Variants in RNF13 observed in about 807,000 individuals in gnomAD.
RNF13 encodes the protein E3 ubiquitin-protein ligase RNF13.
A neutral mutation model predicts 37.7 loss-of-function variants in RNF13; 19 were observed. The observed-to-expected ratio is 0.50, with a 90% CI of 0.35 to 0.74. The LOEUF is 0.74. Among genes scored for constraint, RNF13 ranks in the 30% least tolerant of loss-of-function variants. RNF13 has a pLI of 0.01. For synonymous variants in RNF13, 144 were observed against 157.8 expected (o/e 0.91, Z 0.65); for missense variants, 375 against 453.0 (o/e 0.83, Z 1.56).
intron 1 of RNF13, among the ~76,000 whole-genome samples, chr3:149,826,518 A>G (rs963357177): frequency 6.6e-6 from 1 of 152,204 alleles, no homozygotes; most frequent in Non-Finnish European, 1.5e-5. Context: ...CATTTAAGAA[A>G]TATTTTGCTG....
chr3:149,948,320 TTCAA>T (rs1434956910), intron 8 of RNF13, among the ~76,000 whole-genome samples: 30 of 152,340 alleles, frequency 2.0e-4, no homozygotes, highest in Admixed American at 1.7e-3. Flanking sequence ...TTTTTAGCCA[TTCAA>T]TCAATGTCTT....
At chr3:149,887,522 G>A (rs975335547) in intron 4 of RNF13, among the ~76,000 whole-genome samples, 74 of 152,218 alleles carry the variant, frequency 4.9e-4, no homozygotes, top group African/African-American at 1.8e-3. Context: ...CTGGTCTTCA[G>A]TTCCTGGAAT....
intron 4 of RNF13, among the ~76,000 whole-genome samples, chr3:149,888,900 T>C (rs1168825872): frequency 6.6e-6 from 1 of 152,186 alleles, no homozygotes; most frequent in African/African-American, 2.4e-5. Context: ...TGTGAATAGA[T>C]TGCATTTTAT....
Position 149,861,833 on chromosome 3 carries a change from G to C in RNF13, c.195+9237G>C, listed in dbSNP as rs545777678. On this transcript the variant is annotated intron_variant, in intron 3 of 9. Coordinates refer to ENST00000392894, the MANE Select transcript of RNF13 (RefSeq NM_183381.3). ...AAATGATAAATACTCAAGGTAATAG[G>C]TTCCTCAAGTATCCTGACTTGATCA... Among the ~76,000 whole-genome samples the C allele has an allele frequency of 1.9e-4, 29 of 152,106 alleles. No individual in the cohort carries two copies. In the South Asian group the frequency reaches 3.7e-3, roughly 20 times the overall value.
chr3:149,872,017 A>G lies in RNF13; in HGVS notation c.196-12A>G, dbSNP rs761425283. On this transcript the variant is annotated splice_polypyrimidine_tract_variant and intron_variant, in intron 3 of 9. Coordinates refer to ENST00000392894, the MANE Select transcript of RNF13 (RefSeq NM_183381.3). ...TGAAACAGAGAGATAATTTTTACCA[A>G]TTCTTTTTCAGGGTTTTTTGATTAA... 2 of 1,577,170 alleles carry G rather than the reference A, an allele frequency of 1.3e-6. No individual in the cohort carries two copies. Among genetic ancestry groups the G allele is most frequent in the Non-Finnish European group, 1.7e-6 (2 of 1,168,986 alleles).
At chr3:149,871,035 ATTTT>A (rs144707628) in intron 3 of RNF13, among the ~76,000 whole-genome samples, 2 of 121,304 alleles carry the variant, frequency 1.6e-5, no homozygotes, top group Admixed American at 1.7e-4. Flanking sequence ...CTGTTACCAG[ATTTT>A]TTTTTTTTTT....
intron 4 of RNF13, among the ~76,000 whole-genome samples, chr3:149,890,513 T>C (rs1182891332): frequency 6.6e-6 from 1 of 152,196 alleles, no homozygotes; most frequent in East Asian, 1.9e-4. Flanking sequence ...TTTTCATATA[T>C]TAAATTATTT....
At chr3:149,885,924 G>C (rs1047189922) in intron 4 of RNF13, among the ~76,000 whole-genome samples, 1 of 152,126 alleles carries the variant, frequency 6.6e-6, no homozygotes, top group African/African-American at 2.4e-5. Flanking sequence ...CAAGAAATAG[G>C]GGTCTAGTTT....
chr3:149,953,384 A>C (rs1471360916), intron 8 of RNF13, among the ~76,000 whole-genome samples: 1 of 152,210 alleles, frequency 6.6e-6, no homozygotes, highest in Non-Finnish European at 1.5e-5. Context: ...CCTTCAATTA[A>C]AGTTGCAGAA....
At position 149,831,070 on chromosome 3, in the gene RNF13, A is replaced by G. The variant is rs561490406; in HGVS notation, c.-16-14941A>G. Among the ~76,000 whole-genome samples the G allele has an allele frequency of 7.9e-5, 12 of 152,368 alleles. No individual in the cohort carries two copies. The South Asian group carries it at 2.5e-3, about 32-fold the overall frequency. On this transcript the variant is annotated intron_variant, in intron 1 of 9. Coordinates refer to ENST00000392894, the MANE Select transcript of RNF13 (RefSeq NM_183381.3). ...TTTAGAATTCAGAGAATGTATGGAA[A>G]TGCCTGGATGTCCAGACAGAAGTTT...
At chr3:149,894,699 T>C (rs990014581) in intron 4 of RNF13, among the ~76,000 whole-genome samples, 3 of 152,124 alleles carry the variant, frequency 2.0e-5, no homozygotes, top group African/African-American at 7.2e-5. Context: ...TGTATATATA[T>C]GTTTGCCCTC....
At chr3:149,915,351 CTT>C (rs1229987013) in intron 7 of RNF13, among the ~76,000 whole-genome samples, 1 of 151,958 alleles carries the variant, frequency 6.6e-6, no homozygotes, top group African/African-American at 2.4e-5. Context: ...TAAAAGAAAA[CTT>C]TGGTTTTATG....
chr3:149,844,487 A>G (rs772714308), intron 1 of RNF13, among the ~76,000 whole-genome samples: 7 of 152,212 alleles, frequency 4.6e-5, no homozygotes, highest in Non-Finnish European at 8.8e-5. Context: ...TCTGTCTAGC[A>G]TGCACCAAAA....
chr3:149,956,923 C>A (rs529391236), intron 8 of RNF13, among the ~76,000 whole-genome samples: 1 of 152,270 alleles, frequency 6.6e-6, no homozygotes, highest in African/African-American at 2.4e-5. Flanking sequence ...CCAGCCGCAA[C>A]TCTCAGTTAT....
chr3:149,943,142 T>C (rs1354298332), intron 8 of RNF13, among the ~76,000 whole-genome samples: 1 of 152,150 alleles, frequency 6.6e-6, no homozygotes, highest in Non-Finnish European at 1.5e-5. Flanking sequence ...CCTGCAGTTT[T>C]CTTTTTTTGT....
intron 6 of RNF13, among the ~76,000 whole-genome samples, chr3:149,910,082 G>A (rs970196884): frequency 2.0e-5 from 3 of 152,164 alleles, no homozygotes; most frequent in African/African-American, 7.2e-5. Context: ...TAGCAGGTTA[G>A]TGGCTGTGGG....
At chr3:149,889,582 C>T (rs561497111) in intron 4 of RNF13, among the ~76,000 whole-genome samples, 2 of 151,518 alleles carry the variant, frequency 1.3e-5, no homozygotes, top group Admixed American at 1.3e-4. Flanking sequence ...GGATTAAAGG[C>T]GTGAGCCACT....
chr3:149,899,829 C>T (rs1715638265), intron 5 of RNF13, among the ~76,000 whole-genome samples: 2 of 152,058 alleles, frequency 1.3e-5, no homozygotes, highest in African/African-American at 2.4e-5. Context: ...CAGAGTTGAT[C>T]GACTGAGAGA....
chr3:149,844,112 A>G (rs1722417014), intron 1 of RNF13, among the ~76,000 whole-genome samples: 1 of 152,232 alleles, frequency 6.6e-6, no homozygotes, highest in African/African-American at 2.4e-5. Flanking sequence ...ACTAAAATTT[A>G]ATAACAACTA....
Sources: allele counts gnomAD v4.1 joint callset (sites outside exome capture counted in the v4.1 genomes callset), GRCh38; gene constraint gnomAD v4.1.1; transcripts MANE v1.5; gene names NCBI Gene and HGNC (gene_info 2026-07-23, HGNC 2026-07-21).